The following TENM2 variants were observed in gnomAD, a reference collection of about 807,000 sequenced individuals.
TENM2 encodes teneurin-2.
A neutral mutation model predicts 245.2 loss-of-function variants in TENM2; 52 were observed. The ratio of observed to expected loss-of-function variants is 0.21; its 90% CI spans 0.17 to 0.27. The LOEUF (loss-of-function observed/expected upper bound fraction) is 0.27. Ranked by LOEUF, TENM2 falls within the 10% of genes least tolerant of loss-of-function variation. TENM2 has a pLI of 1.00. For synonymous variants in TENM2, 1,363 were observed against 1,438.9 expected, an observed-to-expected ratio of 0.95 and a Z score of 1.19; for missense variants, 3,046 against 3,666.8, an observed-to-expected ratio of 0.83 and a Z score of 4.37.
At chr5:168,261,774 G>A (rs149334025) in intron 28 of TENM2, among the ~76,000 whole-genome samples, 23 of 151,602 alleles carry the variant, frequency 1.5e-4, no homozygotes, top group Middle Eastern at 6.8e-3. Context: ...AGCAAAGGGT[G>A]AACCTCCTTT....
chr5:168,227,533 T>C (rs78165569), intron 24 of TENM2, among the ~76,000 whole-genome samples: 1 of 151,210 alleles, frequency 6.6e-6, no homozygotes, highest in African/African-American at 2.4e-5. Flanking sequence ...TTTTTTTTTT[T>C]CCTGGTATAA....
intron 2 of TENM2, among the ~76,000 whole-genome samples, chr5:167,405,786 ACACACACACACACG>A (rs888521773): frequency 6.6e-6 from 1 of 151,494 alleles, no homozygotes; most frequent in Non-Finnish European, 1.5e-5. Context: ...ACACACACAC[ACACACACACACACG>A]CACACAGAGA....
the TENM2 span, among the ~76,000 whole-genome samples, chr5:167,124,854 G>C: frequency 6.6e-6 from 1 of 152,104 alleles, no homozygotes; most frequent in African/African-American, 2.4e-5. Context: ...TTCATTATTT[G>C]TAAGATCTAA....
At chr5:168,253,630 T>C (rs1213672814) in intron 27 of TENM2, among the ~76,000 whole-genome samples, 3 of 151,982 alleles carry the variant, frequency 2.0e-5, no homozygotes, top group Non-Finnish European at 4.4e-5. Context: ...TTTCACCGTG[T>C]TAGCCAGGAT....
intron 9 of TENM2, among the ~76,000 whole-genome samples, chr5:168,110,191 GGAAATAAACCAGTCTTTA>G (rs1794573389): frequency 6.6e-6 from 1 of 151,984 alleles, no homozygotes; most frequent in Non-Finnish European, 1.5e-5. Flanking sequence ...TTTCGTGCTG[GGAAATAAACCAGTCTTTA>G]GAAAGAGGTC....
chr5:167,934,572 C>T (rs1778546205), intron 3 of TENM2, among the ~76,000 whole-genome samples: 1 of 152,116 alleles, frequency 6.6e-6, no homozygotes, highest in Non-Finnish European at 1.5e-5. Context: ...TGATGTAACA[C>T]GATGAAAGCT....
chr5:167,615,119 C>T (rs545105739), intron 2 of TENM2, among the ~76,000 whole-genome samples: 7 of 152,172 alleles, frequency 4.6e-5, no homozygotes, highest in African/African-American at 1.4e-4. Flanking sequence ...AACTTTATCT[C>T]GATTCAGAAC....
chr5:167,650,273 T>A (rs1292392739), intron 2 of TENM2, among the ~76,000 whole-genome samples: 1 of 152,212 alleles, frequency 6.6e-6, no homozygotes, highest in Admixed American at 6.5e-5. Flanking sequence ...TATGCATAAT[T>A]GGAAATTAAT....
intron 2 of TENM2, among the ~76,000 whole-genome samples, chr5:167,630,115 G>T (rs1021759357): frequency 2.1e-4 from 32 of 149,938 alleles, no homozygotes; most frequent in Admixed American, 2.1e-3. Context: ...CTTACCTTAC[G>T]TCTTAGCAGC....
exon 2 of TENM2, chr5:167,375,436 T>A: frequency 6.4e-7 from 1 of 1,551,740 alleles, no homozygotes; most frequent in Non-Finnish European, 8.7e-7. Context: ...TTACCCTGAC[T>A]GACTCTGACA....
chr5:167,277,702 C>T, the TENM2 span, among the ~76,000 whole-genome samples: 1 of 152,012 alleles, frequency 6.6e-6, no homozygotes. Context: ...TTTTGAAGAC[C>T]TGGGTGTTGA....
At chr5:167,445,336 T>TATATATATATATATAGAGAG (rs368881390) in intron 2 of TENM2, among the ~76,000 whole-genome samples, 2 of 77,304 alleles carry the variant, frequency 2.6e-5, no homozygotes, top group African/African-American at 1.1e-4. Context: ...TATATATATA[T>TATATATATATATATAGAGAG]AGAGAGAGAG....
intron 2 of TENM2, among the ~76,000 whole-genome samples, chr5:167,792,643 C>T (rs1182880881): frequency 6.6e-6 from 1 of 151,206 alleles, no homozygotes; most frequent in Non-Finnish European, 1.5e-5. Flanking sequence ...GCTAGTGTTT[C>T]ACACAGTAGA....
chr5:167,119,302 GA>G, the TENM2 span, among the ~76,000 whole-genome samples: 1 of 152,142 alleles, frequency 6.6e-6, no homozygotes, highest in Non-Finnish European at 1.5e-5. Context: ...ACGTGGTGGT[GA>G]TTTAACGCAA....
At chr5:168,077,202 C>T (rs1258264278) in intron 7 of TENM2, among the ~76,000 whole-genome samples, 1 of 152,170 alleles carries the variant, frequency 6.6e-6, no homozygotes, top group Non-Finnish European at 1.5e-5. Context: ...TAAGAGAAAA[C>T]TACAGTGTTC....
exon 27 of TENM2, chr5:168,246,835 A>G (rs1766615744): frequency 6.2e-7 from 1 of 1,613,948 alleles, no homozygotes; most frequent in African/African-American, 1.3e-5. Flanking sequence ...TGCCGTCACC[A>G]TGCCCAGCGT....
At chr5:167,297,294 C>T (rs951138104) in intron 1 of TENM2, among the ~76,000 whole-genome samples, 2 of 152,054 alleles carry the variant, frequency 1.3e-5, no homozygotes, top group African/African-American at 4.8e-5. Context: ...GTTTCTAAAC[C>T]ACTATCGAGT....
intron 3 of TENM2, among the ~76,000 whole-genome samples, chr5:167,924,178 T>C (rs770647059): frequency 6.6e-6 from 1 of 152,230 alleles, no homozygotes; most frequent in Non-Finnish European, 1.5e-5. Flanking sequence ...AGTCCCATAT[T>C]TGTCTTCATG....
At chr5:167,385,034 G>A (rs1034439177) in intron 2 of TENM2, among the ~76,000 whole-genome samples, 5 of 152,156 alleles carry the variant, frequency 3.3e-5, no homozygotes, top group African/African-American at 1.2e-4. Flanking sequence ...GTAGAATACA[G>A]TATTACAACA....
Sources: gnomAD v4.1 joint callset for allele counts (sites outside exome capture counted in the v4.1 genomes callset) on GRCh38, gnomAD v4.1.1 for gene constraint, MANE v1.5 for transcripts, NCBI Gene and HGNC (gene_info 2026-07-23, HGNC 2026-07-21) for gene names.